The following GTF2F2 variants were observed in gnomAD, a reference collection of about 807,000 sequenced individuals.
GTF2F2 encodes the protein general transcription factor IIF subunit 2.
A neutral mutation model predicts 42.2 loss-of-function variants in GTF2F2; 23 were observed. The observed-to-expected ratio is 0.55, with a 90% CI of 0.39 to 0.77. GTF2F2 has a LOEUF of 0.77. Among genes scored for constraint, GTF2F2 ranks in the 30% least tolerant of loss-of-function variants. The pLI is 0.00. For missense variants in GTF2F2, 261 were observed against 287.2 expected (o/e 0.91, Z 0.66); for synonymous variants, 105 against 100.8 (o/e 1.04, Z -0.25).
chr13:45,176,100 C>G (rs1871865623), intron 4 of GTF2F2, among the ~76,000 whole-genome samples: 2 of 152,162 alleles, frequency 1.3e-5, no homozygotes, highest in Admixed American at 6.5e-5. Flanking sequence ...GCAGTTTACT[C>G]ATTTTTACTG....
At chr13:45,167,726 G>A (rs1193643370) in intron 4 of GTF2F2, among the ~76,000 whole-genome samples, 3 of 151,908 alleles carry the variant, frequency 2.0e-5, no homozygotes, top group Non-Finnish European at 4.4e-5. Flanking sequence ...GTTTTAAGTA[G>A]CAATAGGCTT....
At chr13:45,260,134 T>C (rs1167301573) in intron 6 of GTF2F2, among the ~76,000 whole-genome samples, 1 of 152,194 alleles carries the variant, frequency 6.6e-6, no homozygotes, top group Non-Finnish European at 1.5e-5. Context: ...AATTCATTTT[T>C]ATGCATATAT....
intron 6 of GTF2F2, among the ~76,000 whole-genome samples, chr13:45,261,149 G>A (rs1170796009): frequency 1.3e-5 from 2 of 151,898 alleles, no homozygotes; most frequent in African/African-American, 4.8e-5. Flanking sequence ...TTTGGGGGCC[G>A]GGTGCAGTGG....
chr13:45,202,438 T>TGG (rs1873238102), intron 4 of GTF2F2, among the ~76,000 whole-genome samples: 1 of 145,424 alleles, frequency 6.9e-6, no homozygotes, highest in Non-Finnish European at 1.6e-5. Flanking sequence ...GACATCTGAG[T>TGG]GGGTGTGTGT....
Position 45,123,644 on chromosome 13 carries a change from AAAAC to A in GTF2F2, c.66+2926_66+2929del, listed in dbSNP as rs1159463023. The stretch of plus-strand genomic sequence containing the variant: ...AACCCTATCTAAAAAGAAAAAAAAA[AAAAC>A]AACCAAAACCTACGGGCAGGACTGG... On this transcript the variant is annotated intron_variant, in intron 1 of 7. Coordinates refer to ENST00000340473, the MANE Select transcript of GTF2F2 (RefSeq NM_004128.3). Among the ~76,000 whole-genome samples the A allele has an allele frequency of 2.0e-5, 3 of 151,534 alleles. No homozygotes were observed. The East Asian group carries it at 5.8e-4, about 29-fold the overall frequency.
chr13:45,258,603 G>A (rs1876197596), intron 6 of GTF2F2, among the ~76,000 whole-genome samples: 1 of 152,188 alleles, frequency 6.6e-6, no homozygotes, highest in African/African-American at 2.4e-5. Flanking sequence ...CTGATACAAA[G>A]CTATCACGGT....
chr13:45,253,022 G>A lies in GTF2F2; in HGVS notation c.486+52G>A, dbSNP rs1323147641. 3.9e-6 allele frequency: 3 copies of A among 769,016 alleles called. No individual in the cohort carries two copies. The African/African-American group carries it at 5.6e-5, about 14-fold the overall frequency. The allele number at this position is 769,016 out of a possible 1,614,324, so 47.6% of individuals were successfully genotyped here. A position where few individuals can be genotyped will look rare whatever the true frequency, so the allele number is the denominator to read the frequency against. On this transcript the variant is annotated intron_variant, in intron 6 of 7. Coordinates refer to ENST00000340473, the MANE Select transcript of GTF2F2 (RefSeq NM_004128.3). ...TTCTTTTATATCTTCATTCTTTTCT[G>A]TATCATAGAGTCTTAGGTTTCCAAA...
At chr13:45,132,455 T>C (rs2138094906) in intron 1 of GTF2F2, among the ~76,000 whole-genome samples, 1 of 152,222 alleles carries the variant, frequency 6.6e-6, no homozygotes, top group East Asian at 1.9e-4. Flanking sequence ...TGGTTTGTTT[T>C]GTTTTTGCCA....
intron 5 of GTF2F2, among the ~76,000 whole-genome samples, chr13:45,208,300 A>T (rs972305269): frequency 1.3e-5 from 2 of 152,158 alleles, no homozygotes; most frequent in South Asian, 2.1e-4. Context: ...ATTAGTATTT[A>T]AAAATGCTGA....
intron 6 of GTF2F2, among the ~76,000 whole-genome samples, chr13:45,255,250 A>C (rs1876056888): frequency 6.6e-6 from 1 of 151,674 alleles, no homozygotes; most frequent in Non-Finnish European, 1.5e-5. Flanking sequence ...CCAAACTACT[A>C]CTTTATGATA....
chr13:45,244,783 G>A (rs1271544092), intron 5 of GTF2F2, among the ~76,000 whole-genome samples: 5 of 152,204 alleles, frequency 3.3e-5, no homozygotes, highest in Non-Finnish European at 7.3e-5. Flanking sequence ...CGATTCTCCT[G>A]CCTCAGCATC....
Position 45,191,255 on chromosome 13 carries a change from A to ATATATATATATATATATATATGGC in GTF2F2, c.305-16169_305-16168insTATATATATATATATATATATGGC, listed in dbSNP as rs1260872563. Among the ~76,000 whole-genome samples, 18 of 136,514 alleles carry ATATATATATATATATATATATGGC rather than the reference A, an allele frequency of 1.3e-4. 1 individual carries two copies. The highest frequency in any genetic ancestry group is 3.6e-3 in the Middle Eastern group (1 of 276). 89.6% of individuals were successfully genotyped at this position (136,514 alleles called of 152,430 possible). ...TATATATATATATATATATATATAT[A>ATATATATATATATATATATATGGC]GCCATAATCTCACATTTTAAGGATG... is the stretch of plus-strand genomic sequence containing the variant. On this transcript the variant is annotated intron_variant, in intron 4 of 7. Coordinates refer to ENST00000340473, the MANE Select transcript of GTF2F2 (RefSeq NM_004128.3).
At chr13:45,136,023 A>G (rs1869601446) in intron 1 of GTF2F2, among the ~76,000 whole-genome samples, 1 of 152,254 alleles carries the variant, frequency 6.6e-6, no homozygotes, top group South Asian at 2.1e-4. Context: ...TTACAACACA[A>G]TATAGTGTAT....
At chr13:45,245,680 T>TATATATATATATATATATATACATATAC (rs146275661) in intron 5 of GTF2F2, among the ~76,000 whole-genome samples, 2 of 124,976 alleles carry the variant, frequency 1.6e-5, no homozygotes, top group Non-Finnish European at 3.4e-5. Context: ...TATATATATA[T>TATATATATATATATATATATACATATAC]ATATATATAT....
intron 7 of GTF2F2, among the ~76,000 whole-genome samples, chr13:45,271,000 A>G (rs903642040): frequency 1.3e-5 from 2 of 152,194 alleles, no homozygotes; most frequent in Admixed American, 6.5e-5. Context: ...ATTGAAAACT[A>G]GTCCCTGATT....
intron 3 of GTF2F2, 136 bp from the exon 4 acceptor site, chr13:45,151,551 A>G: frequency 1.8e-6 from 1 of 547,254 alleles, no homozygotes; most frequent in Non-Finnish European, 3.1e-6. Flanking sequence ...ACCAAGTATT[A>G]AGGAGTTTTT....
At chr13:45,149,885 A>G (rs1289476246) in intron 3 of GTF2F2, 97 bp downstream of exon 3, 6 of 1,170,080 alleles carry the variant, frequency 5.1e-6, no homozygotes, top group Non-Finnish European at 7.0e-6. Context: ...AAAACTCCAC[A>G]TCAAGTGCAT....
intron 4 of GTF2F2, among the ~76,000 whole-genome samples, chr13:45,176,617 A>G (rs1218570396): frequency 6.6e-6 from 1 of 152,070 alleles, no homozygotes; most frequent in Admixed American, 6.6e-5. Flanking sequence ...AACAGAAGTT[A>G]TCTTTAATAG....
chr13:45,262,731 T>A (rs1876397142), intron 6 of GTF2F2, among the ~76,000 whole-genome samples: 1 of 152,106 alleles, frequency 6.6e-6, no homozygotes, highest in Admixed American at 6.5e-5. Context: ...ATCTTTATTT[T>A]GTTATTTATT....
Sources: gnomAD v4.1 joint callset for allele counts (sites outside exome capture counted in the v4.1 genomes callset) on GRCh38, gnomAD v4.1.1 for gene constraint, MANE v1.5 for transcripts, NCBI Gene and HGNC (gene_info 2026-07-23, HGNC 2026-07-21) for gene names.